Variants in AADACL2 observed in about 807,000 individuals in gnomAD.
The protein encoded by AADACL2 is arylacetamide deacetylase like 2.
In AADACL2, 23 loss-of-function variants were observed where a neutral mutation model predicts 22.3. The ratio of observed to expected loss-of-function variants is 1.03; its 90% CI spans 0.74 to 1.46. The LOEUF is 1.46. Among genes scored for constraint, AADACL2 ranks in the 40% most tolerant of loss-of-function variants. AADACL2 has a pLI of 0.00. For synonymous variants in AADACL2, 177 were observed against 166.2 expected, an observed-to-expected ratio of 1.07 and a Z score of -0.50; for missense variants, 472 against 482.9, an observed-to-expected ratio of 0.98 and a Z score of 0.21.
intron 4 of AADACL2, among the ~76,000 whole-genome samples, chr3:151,746,373 T>G (rs1291211627): frequency 6.6e-6 from 1 of 150,922 alleles, no homozygotes; most frequent in Non-Finnish European, 1.5e-5. Flanking sequence ...TTGTTTTTTT[T>G]TTTTTTAGTT....
chr3:151,757,203 T>C lies in AADACL2; in HGVS notation c.815T>C (p.Leu272Pro). Residue 272 changes from leucine to proline, a missense_variant, in exon 5 of 5, where the codon CTG (leucine) becomes CCG (proline). Leu to Pro is a moderately conservative substitution (Grantham distance 98, BLOSUM62 -3). This residue lies in a region of AADACL2 where 356 missense variants were observed against 365.5 expected (regional missense o/e 0.97). Coordinates refer to ENST00000356517, the MANE Select transcript of AADACL2 (RefSeq NM_207365.4). Reference sequence around the variant, plus strand: ...ATGAGAAGAAACCAACACATGCCTCTGGAGTCAAGACATCTGTTTAAGTTT... The same window carrying C: ...ATGAGAAGAAACCAACACATGCCTCCGGAGTCAAGACATCTGTTTAAGTTT... ...WAMRRNQHMP[L>P]ESRHLFKFVN... 6.2e-7 allele frequency: 1 copy of C among 1,613,716 alleles called. No homozygotes were observed. The highest frequency in any genetic ancestry group is 1.1e-5 in the South Asian group (1 of 91,060).
chr3:151,746,288 A>G (rs4679932), intron 4 of AADACL2, among the ~76,000 whole-genome samples: 40,788 of 150,902 alleles, frequency 0.27, 5,728 homozygotes, highest in Non-Finnish European at 0.31. Flanking sequence ...TAGAAATACA[A>G]TTGATTTTGA....
intron 4 of AADACL2, among the ~76,000 whole-genome samples, chr3:151,749,836 T>C (rs1713598711): frequency 1.3e-5 from 2 of 151,898 alleles, no homozygotes; most frequent in Non-Finnish European, 2.9e-5. Context: ...TTTTTGTTTG[T>C]TTTTTTGTTT....
At chr3:151,747,804 G>A (rs902709981) in intron 4 of AADACL2, among the ~76,000 whole-genome samples, 1 of 152,014 alleles carries the variant, frequency 6.6e-6, no homozygotes, top group African/African-American at 2.4e-5. Context: ...ACCTAGAAGT[G>A]GTATTGCTGA....
chr3:151,759,580 T>G lies in AADACL2; in HGVS notation c.*1986T>G, dbSNP rs971012206. The G allele has an allele frequency of 3.9e-5, 6 of 152,228 alleles. No homozygotes were observed. The highest frequency in any genetic ancestry group is 7.3e-5 in the Non-Finnish European group (5 of 68,034). 9.4% of individuals were successfully genotyped at this position (152,228 alleles called of 1,614,324 possible). A position where few individuals can be genotyped will look rare whatever the true frequency, so the allele number is the denominator to read the frequency against. ...AGTTTGTTTTCGTTTTGAAAAAGTT[T>G]GTATCTTGCAGAGCAGAAAAGCACT... On this transcript the variant is annotated 3_prime_UTR_variant, in exon 5 of 5. Coordinates refer to ENST00000356517, the MANE Select transcript of AADACL2 (RefSeq NM_207365.4).
Position 151,733,962 on chromosome 3 carries a change from T to G in AADACL2, c.-74T>G, listed in dbSNP as rs886464667. 24 of 1,445,324 alleles carry G rather than the reference T, an allele frequency of 1.7e-5. No homozygotes were observed. Among genetic ancestry groups the G allele is most frequent in the Non-Finnish European group, 2.2e-5 (24 of 1,079,022 alleles). The allele number at this position is 1,445,324 out of a possible 1,614,324, so 89.5% of individuals were successfully genotyped here. A position where few individuals can be genotyped will look rare whatever the true frequency, so the allele number is the denominator to read the frequency against. ...AGAGAGTTCCCAAGTCTACAATTGC[T>G]CTACTAGTTACTATTCAGTGTTTGT... On this transcript the variant is annotated 5_prime_UTR_variant, in exon 1 of 5. Transcript: ENST00000356517.
intron 4 of AADACL2, among the ~76,000 whole-genome samples, chr3:151,752,274 A>G (rs963183980): frequency 6.6e-6 from 1 of 152,196 alleles, no homozygotes; most frequent in Non-Finnish European, 1.5e-5. Flanking sequence ...AATAATCACC[A>G]CTGAGGGATA....
rs1258108033 is a variant in AADACL2, at chr3:151,757,624, T to C, written c.*30T>C. 10 of 1,549,182 alleles carry C rather than the reference T, an allele frequency of 6.5e-6. No individual in the cohort carries two copies. Among genetic ancestry groups the C allele is most frequent in the East Asian group, 2.3e-5 (1 of 44,218 alleles). The stretch of plus-strand genomic sequence containing the variant: ...GTGATGTGTATGTATAGCCCTTACA[T>C]AGTGGATTGTAATTTGTGATATTTT... On this transcript the variant is annotated 3_prime_UTR_variant, in exon 5 of 5. Transcript: ENST00000356517.
chr3:151,733,959 T>A lies in AADACL2; in HGVS notation c.-77T>A. 7.0e-7 allele frequency: 1 copy of A among 1,424,502 alleles called. No homozygotes were observed. The highest frequency in any genetic ancestry group is 9.4e-7 in the Non-Finnish European group (1 of 1,064,472). 88.2% of individuals were successfully genotyped at this position (1,424,502 alleles called of 1,614,324 possible). A position where few individuals can be genotyped will look rare whatever the true frequency, so the allele number is the denominator to read the frequency against. On this transcript the variant is annotated 5_prime_UTR_variant, in exon 1 of 5. Coordinates refer to ENST00000356517, the MANE Select transcript of AADACL2 (RefSeq NM_207365.4). ...CTGAGAGAGTTCCCAAGTCTACAAT[T>A]GCTCTACTAGTTACTATTCAGTGTT...
rs779169325 is a variant in AADACL2 at position 151,757,101 on chromosome 3, G to T, written c.713G>T (p.Gly238Val). ...CCATCTCACCGAGAAAATGAGCATG[G>T]TATAGTTTTGACCAGGGATGTAGCC... is the stretch of plus-strand genomic sequence containing the variant. ...YLPSHRENEH[G>V]IVLTRDVAIK... The change falls in exon 5 of 5, where the codon GGT (glycine) becomes GTT (valine). Residue 238 changes from glycine to valine, a missense_variant. Gly to Val is a moderately radical substitution (Grantham distance 109). Coordinates refer to ENST00000356517, the MANE Select transcript of AADACL2 (RefSeq NM_207365.4). 12 of 1,613,036 alleles carry T rather than the reference G, an allele frequency of 7.4e-6. No homozygotes were observed. Among genetic ancestry groups the T allele is most frequent in the Non-Finnish European group, 1.0e-5 (12 of 1,179,572 alleles).
chr3:151,744,996 T>C (rs1713392394), intron 3 of AADACL2, among the ~76,000 whole-genome samples: 1 of 152,138 alleles, frequency 6.6e-6, no homozygotes, highest in Non-Finnish European at 1.5e-5. Context: ...ATTTTATTTA[T>C]ATATCAAAAT....
At chr3:151,756,077 TGGTGAC>T (rs1453985823) in intron 4 of AADACL2, among the ~76,000 whole-genome samples, 2 of 152,110 alleles carry the variant, frequency 1.3e-5, no homozygotes, top group East Asian at 3.9e-4. Context: ...CCAGCCACTG[TGGTGAC>T]TGGGTGACTT....
chr3:151,734,284 C>T (rs1277554789), intron 1 of AADACL2, 111 bp downstream of exon 1: 8 of 1,209,438 alleles, frequency 6.6e-6, no homozygotes, highest in Non-Finnish European at 7.9e-6. Flanking sequence ...TTTGAAAGAA[C>T]CATTGCTTGT....
Position 151,758,697 on chromosome 3 carries a change from C to A in AADACL2, c.*1103C>A, listed in dbSNP as rs936583352. On this transcript the variant is annotated 3_prime_UTR_variant, in exon 5 of 5. Transcript: ENST00000356517. ...CTGTAGCCCTTTTGTTGAGTGGAAT[C>A]ATAAACAAAAAACTGAAAATTTATT... 16 of 151,952 alleles carry A rather than the reference C, an allele frequency of 1.1e-4. No individual in the cohort carries two copies. Among genetic ancestry groups the A allele is most frequent in the Non-Finnish European group, 2.1e-4 (14 of 67,924 alleles). 9.4% of individuals were successfully genotyped at this position (151,952 alleles called of 1,614,324 possible).
chr3:151,753,789 T>G (rs1221698693), intron 4 of AADACL2, among the ~76,000 whole-genome samples: 2 of 152,014 alleles, frequency 1.3e-5, no homozygotes, highest in Non-Finnish European at 2.9e-5. Flanking sequence ...ATGCAGGAAT[T>G]TGAATAACAC....
At position 151,740,815 on chromosome 3, in the gene AADACL2, G is replaced by A. The variant is rs371888308; in HGVS notation, c.308G>A (p.Arg103Gln). The A allele has an allele frequency of 4.3e-6, 7 of 1,613,834 alleles. No individual in the cohort carries two copies. In the African/African-American group the frequency reaches 5.3e-5, roughly 12 times the overall value. The change falls in exon 2 of 5, where the codon CGA becomes CAA. Residue 103 changes from arginine to glutamine, a missense_variant. By Grantham distance (43) the Arg-to-Gln change is conservative (BLOSUM62 1). Around this residue, in one of 3 missense-constraint regions of AADACL2, gnomAD observed 356 missense variants for 365.5 expected, o/e 0.97. Coordinates refer to ENST00000356517, the MANE Select transcript of AADACL2 (RefSeq NM_207365.4). ...LYLPKRKSET[R>Q]RRAVIYFHGG... ...TTGCCAAAAAGAAAGTCAGAAACCC[G>A]AAGGCGAGCTGTGATATATTTTCAT...
At chr3:151,736,243 G>A (rs901929580) in intron 1 of AADACL2, among the ~76,000 whole-genome samples, 2 of 151,332 alleles carry the variant, frequency 1.3e-5, no homozygotes, top group Non-Finnish European at 2.9e-5. Flanking sequence ...GAATAGGACA[G>A]CTCTCAGTCT....
intron 4 of AADACL2, among the ~76,000 whole-genome samples, chr3:151,749,294 A>T (rs1713573084): frequency 6.6e-6 from 1 of 151,352 alleles, no homozygotes; most frequent in South Asian, 2.1e-4. Flanking sequence ...CTTATTTTTG[A>T]TGCTATTGAA....
At chr3:151,740,248 G>C (rs935764140) in intron 1 of AADACL2, among the ~76,000 whole-genome samples, 2 of 152,196 alleles carry the variant, frequency 1.3e-5, no homozygotes, top group African/African-American at 4.8e-5. Flanking sequence ...GGGGGAGGGA[G>C]GTCCCCTGGC....
Sources: gnomAD v4.1 joint callset for allele counts (sites outside exome capture counted in the v4.1 genomes callset) on GRCh38, gnomAD v4.1.1 for gene constraint, gnomAD v4.1.1 regional missense constraint, MANE v1.5 for transcripts, NCBI Gene and HGNC (gene_info 2026-07-23, HGNC 2026-07-21) for gene names.